Variants in MYO16 observed in about 807,000 individuals in gnomAD.
MYO16 encodes myosin XVI.
A neutral mutation model predicts 205.3 loss-of-function variants in MYO16; 94 were observed. The ratio of observed to expected loss-of-function variants is 0.46; its 90% confidence interval spans 0.39 to 0.54. The LOEUF (loss-of-function observed/expected upper bound fraction) is 0.54. Ranked by LOEUF, MYO16 falls within the 20% of genes least tolerant of loss-of-function variation. The pLI, the probability that MYO16 is intolerant of heterozygous loss-of-function variation, is 0.00. For synonymous variants in MYO16, 988 were observed against 954.0 expected (o/e 1.04, Z -0.66); for missense variants, 2,315 against 2,387.5 (o/e 0.97, Z 0.63).
the MYO16 span, among the ~76,000 whole-genome samples, chr13:108,508,541 G>A: frequency 2.0e-5 from 3 of 152,218 alleles, no homozygotes; most frequent in East Asian, 5.8e-4. Flanking sequence ...TGCAAGTTTT[G>A]TCAGTATTCT....
intron 6 of MYO16, among the ~76,000 whole-genome samples, chr13:108,798,916 G>A (rs196132): frequency 0.95 from 135,929 of 143,388 alleles, 64,899 homozygotes; most frequent in Non-Finnish European, 1. Context: ...CTTGTTAGCC[G>A]GGATGGTCTC....
chr13:108,754,257 A>T (rs36076967), intron 4 of MYO16, among the ~76,000 whole-genome samples: 29,851 of 150,818 alleles, frequency 0.2, 3,213 homozygotes, highest in African/African-American at 0.25. Context: ...CAGGACAAGC[A>T]GTAGCATGAA....
intron 22 of MYO16, among the ~76,000 whole-genome samples, chr13:109,009,644 CATT>C (rs1885525690): frequency 6.6e-6 from 1 of 152,250 alleles, no homozygotes; most frequent in East Asian, 1.9e-4. Context: ...TATAAGAAAA[CATT>C]ATATGGATTT....
intron 2 of MYO16, among the ~76,000 whole-genome samples, chr13:108,667,446 G>T (rs1018403586): frequency 3.3e-5 from 5 of 151,176 alleles, no homozygotes; most frequent in Admixed American, 2.0e-4. Context: ...TTCAGCCATT[G>T]TATCATATTT....
intron 31 of MYO16, among the ~76,000 whole-genome samples, chr13:109,137,080 G>T (rs1003509025): frequency 6.6e-6 from 1 of 152,208 alleles, no homozygotes; most frequent in Non-Finnish European, 1.5e-5. Flanking sequence ...TCTGGGATGG[G>T]AAACCAGACA....
intron 16 of MYO16, among the ~76,000 whole-genome samples, chr13:108,929,323 C>T (rs899681466): frequency 6.6e-5 from 10 of 152,050 alleles, no homozygotes; most frequent in Non-Finnish European, 1.5e-4. Flanking sequence ...GCTGAAGTTC[C>T]AATACATATG....
At chr13:108,684,165 C>G (rs183866633) in intron 2 of MYO16, among the ~76,000 whole-genome samples, 1 of 152,300 alleles carries the variant, frequency 6.6e-6, no homozygotes, top group Non-Finnish European at 1.5e-5. Flanking sequence ...TGAGCCACCG[C>G]GCCTAGTCAG....
chr13:108,589,316 T>C, the MYO16 span, among the ~76,000 whole-genome samples: 1 of 152,212 alleles, frequency 6.6e-6, no homozygotes, highest in Non-Finnish European at 1.5e-5. Context: ...TGCTGTGTTT[T>C]GGTATATTTT....
At position 108,910,074 on chromosome 13, in the gene MYO16, A is replaced by G. The variant is rs759082742; in HGVS notation, c.1849A>G (p.Ile617Val). 6.2e-7 allele frequency: 1 copy of G among 1,613,388 alleles called. No homozygotes were observed. The highest frequency in any genetic ancestry group is 1.1e-5 in the South Asian group (1 of 91,054). Reference sequence around the variant, plus strand: ...ACCTCTTGGCCAGAGCAATTTTCTCATTTTCTACTTGTTGATGGATGGGTT... The same window carrying G: ...ACCTCTTGGCCAGAGCAATTTTCTCGTTTTCTACTTGTTGATGGATGGGTT... ...SQPLGQSNFL[I>V]FYLLMDGLSA... The change falls in exon 16 of 35, where the codon ATT becomes GTT. Residue 617 changes from isoleucine (I) to valine (V), a missense_variant. Ile to Val is a conservative substitution (Grantham distance 29, BLOSUM62 3). Transcript: ENST00000457511.
At chr13:109,069,666 G>T (rs186616739) in intron 27 of MYO16, among the ~76,000 whole-genome samples, 2 of 152,184 alleles carry the variant, frequency 1.3e-5, no homozygotes, top group East Asian at 3.9e-4. Context: ...CAAGAAGGAG[G>T]TCGGGGGAGT....
chr13:108,662,819 A>G (rs536020285), intron 1 of MYO16, among the ~76,000 whole-genome samples: 57 of 152,246 alleles, frequency 3.7e-4, no homozygotes, highest in African/African-American at 1.4e-3. Context: ...AAAATGTTAC[A>G]AAGTTCAGCT....
At chr13:108,672,678 T>A (rs888711750) in intron 2 of MYO16, among the ~76,000 whole-genome samples, 8 of 152,178 alleles carry the variant, frequency 5.3e-5, no homozygotes, top group African/African-American at 1.9e-4. Flanking sequence ...TCTTTTTCCC[T>A]CTAAAAGGAA....
chr13:108,693,755 A>G (rs1160762829), intron 2 of MYO16, among the ~76,000 whole-genome samples: 1 of 152,180 alleles, frequency 6.6e-6, no homozygotes, highest in African/African-American at 2.4e-5. Flanking sequence ...CAGGTTTGTT[A>G]TATAGGTGAA....
chr13:108,864,283 A>G (rs1174404986), intron 11 of MYO16, among the ~76,000 whole-genome samples: 4 of 152,172 alleles, frequency 2.6e-5, no homozygotes, highest in Non-Finnish European at 4.4e-5. Context: ...ATTCTAGGCT[A>G]TAATTTTTAT....
At chr13:108,665,773 T>C (rs1881694412) in intron 1 of MYO16, 113 bp from the exon 2 acceptor site, 1 of 1,106,844 alleles carries the variant, frequency 9.0e-7, no homozygotes, top group Non-Finnish European at 1.2e-6. Context: ...GCAAGGAGAA[T>C]TGTTGCATTT....
intron 20 of MYO16, among the ~76,000 whole-genome samples, chr13:108,977,009 GACA>G (rs1884287426): frequency 6.6e-6 from 1 of 152,096 alleles, no homozygotes; most frequent in East Asian, 1.9e-4. Flanking sequence ...CCTCCCCAGA[GACA>G]ACAATATTAT....
the MYO16 span, among the ~76,000 whole-genome samples, chr13:108,589,809 A>G: frequency 6.6e-6 from 1 of 152,212 alleles, no homozygotes; most frequent in Non-Finnish European, 1.5e-5. Context: ...GGTGGCAATC[A>G]GCAAGAATAG....
chr13:109,019,265 A>G (rs1885939641), intron 22 of MYO16, among the ~76,000 whole-genome samples: 1 of 152,182 alleles, frequency 6.6e-6, no homozygotes, highest in Non-Finnish European at 1.5e-5. Flanking sequence ...GGCCTAAGCC[A>G]CTGCAACCAG....
At chr13:108,754,508 G>A (rs1281834943) in intron 4 of MYO16, among the ~76,000 whole-genome samples, 1 of 143,502 alleles carries the variant, frequency 7.0e-6, no homozygotes, top group African/African-American at 2.8e-5. Flanking sequence ...CTAGTTACAG[G>A]TTTTGGCGTG....
Sources: allele counts gnomAD v4.1 joint callset (sites outside exome capture counted in the v4.1 genomes callset), GRCh38; gene constraint gnomAD v4.1.1; transcripts MANE v1.5; gene names NCBI Gene and HGNC (gene_info 2026-07-23, HGNC 2026-07-21).